The following XIRP2 variants were observed in gnomAD, a reference collection of about 807,000 sequenced individuals.
The protein encoded by XIRP2 is xin actin binding repeat containing 2.
A neutral mutation model predicts 277.0 loss-of-function variants in XIRP2; 236 were observed. The ratio of observed to expected loss-of-function variants is 0.85; its 90% CI spans 0.77 to 0.95. The LOEUF is 0.95. Ranked by LOEUF, XIRP2 falls within the 40% of genes least tolerant of loss-of-function variation. The pLI is 0.00. For missense variants in XIRP2, 4,640 were observed against 4,157.5 expected (o/e 1.12, Z -3.19); for synonymous variants, 1,490 against 1,416.5 (o/e 1.05, Z -1.17).
intron 2 of XIRP2, among the ~76,000 whole-genome samples, chr2:167,025,307 T>C (rs1688120468): frequency 6.6e-6 from 1 of 152,152 alleles, no homozygotes; most frequent in Non-Finnish European, 1.5e-5. Flanking sequence ...AATATCCCCT[T>C]TATCATTTTT....
At position 167,245,172 on chromosome 2, in the gene XIRP2, T is replaced by C. The variant is rs766526547; in HGVS notation, c.3780T>C (p.Cys1260=). ...KIKESQEGDE[C]VKTVTDIQGG... is the part of the protein sequence containing the mutation. The stretch of plus-strand genomic sequence containing the variant: ...AAGAAAGCCAAGAAGGTGATGAATG[T>C]GTTAAGACGGTGACAGACATACAAG... Residue 1260 remains cysteine (C), a synonymous_variant, in exon 9 of 11, where the codon TGT becomes TGC. Transcript: ENST00000409195. 69 of 1,613,282 alleles carry C rather than the reference T, an allele frequency of 4.3e-5. No homozygotes were observed. The highest frequency in any genetic ancestry group is 3.3e-4 in the Middle Eastern group (2 of 6,078).
intron 2 of XIRP2, among the ~76,000 whole-genome samples, chr2:167,037,742 A>C (rs996210022): frequency 6.6e-6 from 1 of 152,104 alleles, no homozygotes; most frequent in Non-Finnish European, 1.5e-5. Context: ...GGAAAACATT[A>C]AAAACATAAT....
chr2:167,153,979 G>A (rs1439669989), intron 3 of XIRP2, among the ~76,000 whole-genome samples: 11 of 150,760 alleles, frequency 7.3e-5, no homozygotes, highest in African/African-American at 1.7e-4. Context: ...CTGAGGAATC[G>A]CCACACTGAC....
intron 2 of XIRP2, among the ~76,000 whole-genome samples, chr2:167,052,097 C>T (rs761262138): frequency 6.6e-6 from 1 of 151,968 alleles, no homozygotes; most frequent in South Asian, 2.1e-4. Flanking sequence ...ATAAGCAAGA[C>T]CCTATCCACA....
At chr2:167,235,653 G>A (rs1471083816) in intron 5 of XIRP2, among the ~76,000 whole-genome samples, 1 of 151,814 alleles carries the variant, frequency 6.6e-6, no homozygotes, top group Non-Finnish European at 1.5e-5. Flanking sequence ...AATAGAAAAA[G>A]CAAGAATAGT....
intron 2 of XIRP2, among the ~76,000 whole-genome samples, chr2:167,001,816 ATAGT>A (rs1687382909): frequency 6.6e-6 from 1 of 152,168 alleles, no homozygotes; most frequent in African/African-American, 2.4e-5. Context: ...AAATGTAACT[ATAGT>A]TAAAGAATCA....
At chr2:167,231,108 A>G (rs1694735058) in intron 5 of XIRP2, among the ~76,000 whole-genome samples, 1 of 152,062 alleles carries the variant, frequency 6.6e-6, no homozygotes, top group Non-Finnish European at 1.5e-5. Context: ...CTGCCCTGTG[A>G]TGCCATGTTT....
chr2:166,900,034 T>G (rs1684341988), intron 1 of XIRP2, among the ~76,000 whole-genome samples: 1 of 152,066 alleles, frequency 6.6e-6, no homozygotes, highest in Non-Finnish European at 1.5e-5. Flanking sequence ...TTTTGCCAAA[T>G]TTGGAAAAAA....
chr2:167,114,554 C>G, intron 2 of XIRP2, among the ~76,000 whole-genome samples: 1 of 152,006 alleles, frequency 6.6e-6, no homozygotes, highest in Non-Finnish European at 1.5e-5. Context: ...ATTAACTGGT[C>G]ATCTAGCATT....
At chr2:167,090,501 T>C (rs1690108468) in intron 2 of XIRP2, among the ~76,000 whole-genome samples, 1 of 152,164 alleles carries the variant, frequency 6.6e-6, no homozygotes, top group Non-Finnish European at 1.5e-5. Context: ...TGTTTGAAAA[T>C]ATTTTTATTT....
intron 2 of XIRP2, among the ~76,000 whole-genome samples, chr2:166,916,507 C>T (rs950807484): frequency 1.3e-5 from 2 of 151,922 alleles, no homozygotes; most frequent in African/African-American, 4.8e-5. Flanking sequence ...GTCTACCAAA[C>T]TCTCAAAAAT....
At position 166,923,435 on chromosome 2, in the gene XIRP2, T is replaced by G. The variant is rs1574081744; in HGVS notation, c.408+19545T>G. 4.6e-5 allele frequency among the ~76,000 whole-genome samples: 7 copies of G among 152,288 alleles called. No individual in the cohort carries two copies. In the East Asian group the frequency reaches 1.4e-3, roughly 29 times the overall value. The stretch of plus-strand genomic sequence containing the variant: ...TTCCAAAAAATTATTCCAATTTCAG[T>G]ATGGACATTACTAGTAAGTCCTCCT... On this transcript the variant is annotated intron_variant, in intron 2 of 10. Transcript: ENST00000409195.
At chr2:167,191,182 T>A in intron 3 of XIRP2, among the ~76,000 whole-genome samples, 2 of 119,822 alleles carry the variant, frequency 1.7e-5, no homozygotes, top group Admixed American at 1.0e-4. Context: ...TGAGACCCTG[T>A]CTCAAAAAAA....
intron 2 of XIRP2, among the ~76,000 whole-genome samples, chr2:167,121,473 T>C (rs1440498855): frequency 6.6e-6 from 1 of 152,162 alleles, no homozygotes; most frequent in Admixed American, 6.6e-5. Flanking sequence ...AAATGGCACG[T>C]CAGTTTTAAA....
intron 8 of XIRP2, 90 bp downstream of exon 8, chr2:167,242,000 C>T (rs910079660): frequency 1.4e-6 from 2 of 1,422,644 alleles, no homozygotes; most frequent in African/African-American, 2.9e-5. Context: ...CTTGAGGTGG[C>T]TTTTCAACAA....
At chr2:167,152,608 A>C (rs144809842) in intron 3 of XIRP2, among the ~76,000 whole-genome samples, 314 of 152,266 alleles carry the variant, frequency 2.1e-3, no homozygotes, top group Non-Finnish European at 3.8e-3. Flanking sequence ...TATTTCCTCA[A>C]GACAATAGAT....
intron 3 of XIRP2, among the ~76,000 whole-genome samples, chr2:167,197,115 G>A (rs1467896858): frequency 1.3e-5 from 2 of 152,298 alleles, no homozygotes; most frequent in East Asian, 1.9e-4. Flanking sequence ...ACCTGCTCAT[G>A]TGGTACCCTG....
intron 2 of XIRP2, among the ~76,000 whole-genome samples, chr2:166,973,115 C>A (rs1686621661): frequency 6.6e-6 from 1 of 152,068 alleles, no homozygotes; most frequent in Non-Finnish European, 1.5e-5. Flanking sequence ...ATCAGCCATT[C>A]ACTCCTTTTC....
chr2:167,252,050 A>G, intron 9 of XIRP2, 103 bp downstream of exon 9: 6 of 1,475,362 alleles, frequency 4.1e-6, no homozygotes, highest in Non-Finnish European at 5.4e-6. Context: ...AAACAACCAA[A>G]CAATATAACC....
Sources: gnomAD v4.1 joint callset for allele counts (sites outside exome capture counted in the v4.1 genomes callset) on GRCh38, gnomAD v4.1.1 for gene constraint, MANE v1.5 for transcripts, NCBI Gene and HGNC (gene_info 2026-07-23, HGNC 2026-07-21) for gene names.